Variants in MON1A observed in about 807,000 individuals in gnomAD.
The protein encoded by MON1A is MON1 vesicular trafficking associated A.
In MON1A, 29 loss-of-function variants were observed where a neutral mutation model predicts 44.6. The observed-to-expected ratio is 0.65, with a 90% CI of 0.48 to 0.89. MON1A has a LOEUF of 0.89. Among genes scored for constraint, MON1A ranks in the 40% least tolerant of loss-of-function variants. MON1A has a pLI of 0.00. For missense variants in MON1A, 615 were observed against 759.6 expected, an observed-to-expected ratio of 0.81 and a Z score of 2.24; for synonymous variants, 275 against 316.4, an observed-to-expected ratio of 0.87 and a Z score of 1.39.
chr3:49,929,522 C>A (rs1016556382), intron 1 of MON1A, 87 bp downstream of exon 1: 9 of 1,432,608 alleles, frequency 6.3e-6, no homozygotes, highest in Non-Finnish European at 8.6e-6. Context: ...TGGCTGGAGG[C>A]CCCCGTCTTC....
rs142376214 is a variant in MON1A, at chr3:49,910,379, G to A, written c.1119C>T (p.Asn373=). The change falls in exon 4 of 6, where the codon AAC becomes AAT. Residue 373 remains asparagine, a synonymous_variant. Coordinates refer to ENST00000296473, the MANE Select transcript of MON1A (RefSeq NM_032355.4). The surrounding 1 kb of genome is among the most constrained non-coding windows in gnomAD (Gnocchi z 8.0). ...TGTGTGCGTGGAAGAAGCCGGCTGC[G>A]TTGAATTTGGGCAGGCACACGGGCG... ...AWTPVCLPKF[N]AAGFFHAHIS... 28 of 1,614,114 alleles carry A rather than the reference G, an allele frequency of 1.7e-5. No homozygotes were observed. Among genetic ancestry groups the A allele is most frequent in the African/African-American group, 5.3e-5 (4 of 74,952 alleles).
At position 49,908,949 on chromosome 3, in the gene MON1A, C is replaced by A. The variant is rs888921118; in HGVS notation, c.*65G>T. ...CTGGGCAAGAGAGGCCAGCCCCCAT[C>A]TGGAGGCTCCTATGGCTTCCCACAC... is the stretch of plus-strand genomic sequence containing the variant. On this transcript the variant is annotated 3_prime_UTR_variant, in exon 6 of 6. Coordinates refer to ENST00000296473, the MANE Select transcript of MON1A (RefSeq NM_032355.4). The A allele has an allele frequency of 1.3e-6, 2 of 1,530,296 alleles. No individual in the cohort carries two copies. Among genetic ancestry groups the A allele is most frequent in the African/African-American group, 1.4e-5 (1 of 72,370 alleles). 94.8% of individuals were successfully genotyped at this position (1,530,296 alleles called of 1,614,324 possible).
chr3:49,918,673 A>G (rs937212074), intron 1 of MON1A, among the ~76,000 whole-genome samples: 1 of 151,714 alleles, frequency 6.6e-6, no homozygotes, highest in African/African-American at 2.4e-5. Context: ...CAGTCCCCCA[A>G]AGTGCTGGGA....
At position 49,929,787 on chromosome 3, in the gene MON1A, C is replaced by T; in HGVS notation, c.-192G>A. The T allele has an allele frequency of 6.5e-7, 1 of 1,548,452 alleles. No homozygotes were observed. Among genetic ancestry groups the T allele is most frequent in the Non-Finnish European group, 8.7e-7 (1 of 1,146,706 alleles). ...AGGCACCGCTCCCTCCCACCGCCCT[C>T]ACCCGGCCGCCGGTGCAGGAAGATA... is the stretch of plus-strand genomic sequence containing the variant. On this transcript the variant is annotated 5_prime_UTR_variant, in exon 1 of 6. Coordinates refer to ENST00000296473, the MANE Select transcript of MON1A (RefSeq NM_032355.4).
chr3:49,929,401 C>A, intron 1 of MON1A: 1 of 643,392 alleles, frequency 1.6e-6, no homozygotes, highest in African/African-American at 1.9e-5. Context: ...TCTCGCCCTC[C>A]CAGCCAAAGG....
Position 49,910,027 on chromosome 3 carries a change from CA to C in MON1A, c.1379+91del. 2 of 1,412,262 alleles carry C rather than the reference CA, an allele frequency of 1.4e-6. No individual in the cohort carries two copies. The highest frequency in any genetic ancestry group is 1.9e-6 in the Non-Finnish European group (2 of 1,042,142). The allele number at this position is 1,412,262 out of a possible 1,614,324, so 87.5% of individuals were successfully genotyped here. A position where few individuals can be genotyped will look rare whatever the true frequency, so the allele number is the denominator to read the frequency against. ...CTGCTTCCAAAGGTAGGGACAGCTT[CA>C]GGGCTACATCTCAGAGCTCAGGACC... On this transcript the variant is annotated intron_variant, in intron 4 of 5. Transcript: ENST00000296473. This position sits in a 1 kb window ranked among gnomAD's most constrained non-coding sequence, Gnocchi z 8.0.
chr3:49,929,508 T>A (rs2083076636), intron 1 of MON1A, 101 bp downstream of exon 1: 1 of 1,346,600 alleles, frequency 7.4e-7, no homozygotes, highest in South Asian at 1.3e-5. Flanking sequence ...AACGATAGCG[T>A]TGATGGCTGG....
chr3:49,919,594 C>T (rs913099219), intron 1 of MON1A, among the ~76,000 whole-genome samples: 1 of 152,230 alleles, frequency 6.6e-6, no homozygotes, highest in African/African-American at 2.4e-5. Flanking sequence ...ATGCTCCTCC[C>T]TCAGCCTCCC....
In MON1A at chr3:49,909,357, G is replaced by A. The variant is rs373292802; in HGVS notation, c.1423C>T (p.Arg475Trp). ...APYTSEEEQE[R>W]LLGLYQYLHS... ...AAGTACTGGTAGAGGCCCAGCAGCC[G>A]CTCCTGCTCCTCTTCACTGGTGTAT... The change falls in exon 5 of 6, where the codon CGG (arginine) becomes TGG (tryptophan). Residue 475 changes from arginine to tryptophan, a missense_variant. Physicochemically the swap from Arg to Trp is moderately radical, Grantham distance 101. Coordinates refer to ENST00000296473, the MANE Select transcript of MON1A (RefSeq NM_032355.4). This position sits in a 1 kb window ranked among gnomAD's most constrained non-coding sequence, Gnocchi z 4.0. The A allele has an allele frequency of 5.6e-6, 9 of 1,614,060 alleles. No individual in the cohort carries two copies. The highest frequency in any genetic ancestry group is 1.1e-5 in the South Asian group (1 of 91,080).
intron 1 of MON1A, among the ~76,000 whole-genome samples, chr3:49,928,071 C>G (rs1349392227): frequency 1.3e-5 from 2 of 152,214 alleles, no homozygotes; most frequent in Non-Finnish European, 2.9e-5. Context: ...GCTGACTAAG[C>G]CCAGTGTGGC....
At chr3:49,926,631 A>G (rs950002795) in intron 1 of MON1A, among the ~76,000 whole-genome samples, 2 of 151,810 alleles carry the variant, frequency 1.3e-5, no homozygotes, top group African/African-American at 2.4e-5. Context: ...TAATTTTTTA[A>G]TTTTTATTTT....
intron 1 of MON1A, among the ~76,000 whole-genome samples, chr3:49,922,514 G>A (rs1352105860): frequency 7.1e-6 from 1 of 140,640 alleles, no homozygotes; most frequent in Non-Finnish European, 1.6e-5. Context: ...AGGGAAGGAG[G>A]GAGGGAGAGA....
chr3:49,909,571 A>G lies in MON1A; in HGVS notation c.1380-171T>C. On this transcript the variant is annotated intron_variant, in intron 4 of 5. Transcript: ENST00000296473. This position sits in a 1 kb window ranked among gnomAD's most constrained non-coding sequence, Gnocchi z 4.0. ...CCCACCATAGCAGGCACCCCAGGAC[A>G]GGGCTGGGCCCACTGAGACTAGAGC... 1.2e-6 allele frequency: 1 copy of G among 813,998 alleles called. No individual in the cohort carries two copies. The allele number at this position is 813,998 out of a possible 1,614,324, so 50.4% of individuals were successfully genotyped here. A position where few individuals can be genotyped will look rare whatever the true frequency, so the allele number is the denominator to read the frequency against.
In MON1A at chr3:49,922,019, C is replaced by A. The variant is rs533534937; in HGVS notation, c.-14+7590G>T. ...AAGTGTGGTGGTGCATGCCTGTAATCCCAGCTACTTGGGAGGCTGAGGCAG... is the reference window on the plus strand; with the variant it reads ...AAGTGTGGTGGTGCATGCCTGTAATACCAGCTACTTGGGAGGCTGAGGCAG... On this transcript the variant is annotated intron_variant, in intron 1 of 5. Coordinates refer to ENST00000296473, the MANE Select transcript of MON1A (RefSeq NM_032355.4). Among the ~76,000 whole-genome samples the A allele has an allele frequency of 1.1e-4, 17 of 152,068 alleles. No individual in the cohort carries two copies. In the South Asian group the frequency reaches 3.3e-3, roughly 30 times the overall value.
In MON1A at chr3:49,911,603, G is replaced by A. The variant is rs1559492189; in HGVS notation, c.536C>T (p.Ser179Phe). 2.5e-6 allele frequency: 4 copies of A among 1,614,150 alleles called. No homozygotes were observed. The highest frequency in any genetic ancestry group is 1.1e-5 in the South Asian group (1 of 91,086). ...GGCCACCATAACACCCATAGTGCTG[G>A]AAAGTGCCTCCTCAGACCCATAGCG... is the stretch of plus-strand genomic sequence containing the variant. ...YSRYGSEEAL[S>F]STMGVMVALV... Residue 179 changes from serine (S) to phenylalanine (F), a missense_variant, in exon 3 of 6, where the codon TCC (serine) becomes TTC (phenylalanine). Ser to Phe is a radical substitution (Grantham distance 155). Transcript: ENST00000296473. This position sits in a 1 kb window ranked among gnomAD's most constrained non-coding sequence, Gnocchi z 5.7.
Position 49,911,812 on chromosome 3 carries a change from C to G in MON1A, c.327G>C (p.Gln109His). ...TQLTGVARDL[Q>H]EEMLPGSSED... The stretch of plus-strand genomic sequence containing the variant: ...CAGAGCTTCCTGGCAGCATCTCCTC[C>G]TGCAGGTCCCGGGCCACACCCGTCA... The change falls in exon 3 of 6, where the codon CAG becomes CAC. Residue 109 changes from glutamine (Q) to histidine (H), a missense_variant. Transcript: ENST00000296473. The surrounding 1 kb of genome is among the most constrained non-coding windows in gnomAD (Gnocchi z 5.7). 1 of 1,613,996 alleles carries G rather than the reference C, an allele frequency of 6.2e-7. No homozygotes were observed. The highest frequency in any genetic ancestry group is 8.5e-7 in the Non-Finnish European group (1 of 1,179,976).
intron 1 of MON1A, among the ~76,000 whole-genome samples, chr3:49,915,347 G>A (rs906334667): frequency 1.3e-5 from 2 of 152,166 alleles, no homozygotes; most frequent in African/African-American, 4.8e-5. Flanking sequence ...GGGCAACAAA[G>A]TGAGACCCTG....
intron 1 of MON1A, among the ~76,000 whole-genome samples, chr3:49,926,414 TG>T (rs2083051683): frequency 6.6e-6 from 1 of 152,188 alleles, no homozygotes; most frequent in Non-Finnish European, 1.5e-5. Flanking sequence ...GGTTACCCTG[TG>T]ACCTACCACA....
Position 49,913,273 on chromosome 3 carries a change from C to T in MON1A, c.74G>A (p.Ser25Asn). 6.2e-7 allele frequency: 1 copy of T among 1,614,208 alleles called. No individual in the cohort carries two copies. Among genetic ancestry groups the T allele is most frequent in the Non-Finnish European group, 8.5e-7 (1 of 1,180,042 alleles). ...DGTLTPSDGQ[S>N]MERAESPTPG... ...TGTGGGGCTCTCAGCTCTCTCCATA[C>T]TCTGTCCATCAGAAGGAGTCAATGT... The change falls in exon 2 of 6, where the codon AGT (serine) becomes AAT (asparagine). Residue 25 changes from serine to asparagine, a missense_variant. By Grantham distance (46) the Ser-to-Asn change is conservative. Coordinates refer to ENST00000296473, the MANE Select transcript of MON1A (RefSeq NM_032355.4).
Sources: allele counts gnomAD v4.1 joint callset (sites outside exome capture counted in the v4.1 genomes callset), GRCh38; gene constraint gnomAD v4.1.1; non-coding constraint Gnocchi (gnomAD v3.1); transcripts MANE v1.5; gene names NCBI Gene and HGNC (gene_info 2026-07-23, HGNC 2026-07-21).